Variants in SUMF1 observed in about 807,000 individuals in gnomAD.
The protein encoded by SUMF1 is sulfatase modifying factor 1.
SUMF1 carries 48 observed loss-of-function variants against 47.6 expected under a neutral mutation model. The observed-to-expected ratio is 1.01, with a 90% CI of 0.80 to 1.28. The LOEUF (loss-of-function observed/expected upper bound fraction) is 1.28, where lower values mean the gene tolerates loss of function less well. Ranked by LOEUF, SUMF1 falls within the 50% of genes most tolerant of loss-of-function variation. SUMF1 has a pLI of 0.00. For missense variants in SUMF1, 571 were observed against 485.4 expected (o/e 1.18, Z -1.66); for synonymous variants, 230 against 192.1 (o/e 1.20, Z -1.63).
rs548055756 is a variant in SUMF1 at position 4,162,835 on chromosome 3, A to C, written c.1015-94090T>G. ...TGCTTTTTTGTGTGGATAGTTGTTA[A>C]GTTTGGTGTTCCTGTTGCGGGGACA... On this transcript the variant is annotated intron_variant and NMD_transcript_variant, in intron 8 of 12. Coordinates refer to the SUMF1 transcript ENST00000448413. 2.6e-5 allele frequency among the ~76,000 whole-genome samples: 4 copies of C among 151,892 alleles called. No homozygotes were observed. The East Asian group carries it at 7.7e-4, about 29-fold the overall frequency.
At chr3:4,436,893 AACTG>A (rs958838115) in intron 3 of SUMF1, among the ~76,000 whole-genome samples, 6 of 150,984 alleles carry the variant, frequency 4.0e-5, no homozygotes, top group Admixed American at 2.0e-4. Context: ...AAAAAAACCC[AACTG>A]ACTAATGACT....
At chr3:4,072,704 T>C (rs563963412) in intron 8 of SUMF1, among the ~76,000 whole-genome samples, 1 of 152,094 alleles carries the variant, frequency 6.6e-6, no homozygotes, top group African/African-American at 2.4e-5. Context: ...CTTCAATAGC[T>C]GATTCGATCA....
At chr3:4,082,924 G>A (rs986991254) in intron 8 of SUMF1, among the ~76,000 whole-genome samples, 1 of 152,140 alleles carries the variant, frequency 6.6e-6, no homozygotes, top group Admixed American at 6.5e-5. Flanking sequence ...TGTGTAATAA[G>A]TGCCCAGCAG....
At chr3:4,439,516 A>G (rs1278118749) in intron 3 of SUMF1, among the ~76,000 whole-genome samples, 1 of 151,782 alleles carries the variant, frequency 6.6e-6, no homozygotes, top group African/African-American at 2.4e-5. Context: ...ACAGAGCCAA[A>G]CCCTGTCTCA....
intron 8 of SUMF1, among the ~76,000 whole-genome samples, chr3:4,185,229 G>C (rs948628835): frequency 6.6e-6 from 1 of 152,144 alleles, no homozygotes; most frequent in African/African-American, 2.4e-5. Context: ...AAGCTTCAAA[G>C]AGATGATTGA....
At chr3:4,173,034 G>T (rs969085410) in intron 8 of SUMF1, among the ~76,000 whole-genome samples, 2 of 152,114 alleles carry the variant, frequency 1.3e-5, no homozygotes, top group African/African-American at 4.8e-5. Flanking sequence ...TCTGTATAAG[G>T]TGTAAGGAAG....
rs1383991243 is a variant in SUMF1 at position 4,377,213 on chromosome 3, T to C, written c.955-824A>G. Among the ~76,000 whole-genome samples the C allele has an allele frequency of 1.1e-4, 17 of 152,326 alleles. No homozygotes were observed. The East Asian group carries it at 2.1e-3, about 19-fold the overall frequency. On this transcript the variant is annotated intron_variant, in intron 7 of 8. Coordinates refer to ENST00000272902, the MANE Select transcript of SUMF1 (RefSeq NM_182760.4). ...AAAATTTAGGTGTGCTTTATTAAGA[T>C]ATAATTAATATACAGTAAAATTCAT...
exon 9 of SUMF1, chr3:4,068,680 G>C: frequency 2.2e-6 from 1 of 451,722 alleles, no homozygotes; most frequent in South Asian, 1.6e-5. Flanking sequence ...TCCACCTGCT[G>C]GCTGTGTGTC....
chr3:4,034,817 G>A (rs1258056682), intron 9 of SUMF1, among the ~76,000 whole-genome samples: 1 of 151,970 alleles, frequency 6.6e-6, no homozygotes, highest in East Asian at 1.9e-4. Context: ...TGGGCACACA[G>A]AAATAGAGCA....
chr3:4,431,058 C>T (rs918559058), intron 3 of SUMF1, among the ~76,000 whole-genome samples: 19 of 152,138 alleles, frequency 1.2e-4, no homozygotes, highest in Non-Finnish European at 2.1e-4. Flanking sequence ...CTAGGATGAA[C>T]AGAAATAAGG....
At chr3:4,333,247 G>A (rs1433323590) in intron 8 of SUMF1, among the ~76,000 whole-genome samples, 1 of 152,224 alleles carries the variant, frequency 6.6e-6, no homozygotes, top group Non-Finnish European at 1.5e-5. Context: ...CAGATGGCAA[G>A]GCTAAAAGAG....
intron 8 of SUMF1, among the ~76,000 whole-genome samples, chr3:4,278,452 T>C (rs1697462155): frequency 6.6e-6 from 1 of 152,120 alleles, no homozygotes; most frequent in African/African-American, 2.4e-5. Flanking sequence ...TGATAAAAAA[T>C]TGAAGATGAA....
intron 8 of SUMF1, among the ~76,000 whole-genome samples, chr3:4,230,983 G>A (rs1439876834): frequency 1.3e-5 from 2 of 152,034 alleles, no homozygotes; most frequent in African/African-American, 4.8e-5. Flanking sequence ...TGAATTACAG[G>A]GTTTCATAAC....
chr3:4,198,209 G>A (rs1467574932), intron 8 of SUMF1, among the ~76,000 whole-genome samples: 4 of 152,018 alleles, frequency 2.6e-5, no homozygotes, highest in African/African-American at 4.8e-5. Flanking sequence ...TAAAACCAGT[G>A]AGTGGGATTC....
chr3:4,211,121 TACACAC>T (rs1553609385), intron 8 of SUMF1, among the ~76,000 whole-genome samples: 4 of 128,304 alleles, frequency 3.1e-5, no homozygotes, highest in South Asian at 5.2e-4. Context: ...TATATATATA[TACACAC>T]ACACACACAT....
chr3:4,174,725 A>G (rs2256260), intron 8 of SUMF1, among the ~76,000 whole-genome samples: 51,972 of 151,906 alleles, frequency 0.34, 9,049 homozygotes, highest in East Asian at 0.4. Context: ...CCAAAGCAGG[A>G]TGGGGCATCA....
At chr3:4,183,676 C>T (rs977133434) in intron 8 of SUMF1, among the ~76,000 whole-genome samples, 1 of 152,090 alleles carries the variant, frequency 6.6e-6, no homozygotes, top group African/African-American at 2.4e-5. Context: ...CATGGAAAAA[C>T]TGAACAACAC....
chr3:4,097,822 CCTTGGA>C (rs1252700973), intron 8 of SUMF1, among the ~76,000 whole-genome samples: 1 of 152,114 alleles, frequency 6.6e-6, no homozygotes, highest in African/African-American at 2.4e-5. Flanking sequence ...ATCCAGCAGT[CCTTGGA>C]CCTAAAGCTT....
chr3:4,328,000 G>A (rs745470264), intron 8 of SUMF1, among the ~76,000 whole-genome samples: 12 of 152,130 alleles, frequency 7.9e-5, no homozygotes, highest in African/African-American at 1.4e-4. Context: ...AGGATCACTC[G>A]AGTCTAGGAA....
Sources: gnomAD v4.1 joint callset for allele counts (sites outside exome capture counted in the v4.1 genomes callset) on GRCh38, gnomAD v4.1.1 for gene constraint, MANE v1.5 for transcripts, NCBI Gene and HGNC (gene_info 2026-07-23, HGNC 2026-07-21) for gene names.